The following TXLNB variants were observed in gnomAD, a reference collection of about 807,000 sequenced individuals.
TXLNB encodes taxilin beta.
A neutral mutation model predicts 57.4 loss-of-function variants in TXLNB; 37 were observed. That is an observed-to-expected ratio of 0.64 (90% CI 0.50 to 0.85). The LOEUF (loss-of-function observed/expected upper bound fraction) is 0.85. Among genes scored for constraint, TXLNB ranks in the 40% least tolerant of loss-of-function variants. The probability of loss-of-function intolerance (pLI) is 0.00; values close to 1 mark genes in which losing one functional copy is unlikely to be tolerated. For synonymous variants in TXLNB, 302 were observed against 309.6 expected (o/e 0.98, Z 0.26); for missense variants, 848 against 825.6 (o/e 1.03, Z -0.33).
the TXLNB span, among the ~76,000 whole-genome samples, chr6:139,317,156 A>C: frequency 1.3e-5 from 2 of 152,184 alleles, no homozygotes; most frequent in Non-Finnish European, 2.9e-5. Flanking sequence ...GACATTTCCA[A>C]GGACCTCTTA....
chr6:139,264,599 G>A (rs1024539063), intron 4 of TXLNB, among the ~76,000 whole-genome samples: 2 of 151,872 alleles, frequency 1.3e-5, no homozygotes, highest in African/African-American at 4.8e-5. Context: ...TCACTCTGTC[G>A]CCCAGGCTGG....
At chr6:139,296,724 C>G (rs997150845), upstream of TXLNB, among the ~76,000 whole-genome samples, 8 of 151,994 alleles carry the variant, frequency 5.3e-5, no homozygotes, top group Admixed American at 4.6e-4. Flanking sequence ...CATTTAGGAC[C>G]CTTTGTTCTA....
chr6:139,196,364 GGTT>G, the TXLNB span, among the ~76,000 whole-genome samples: 41,954 of 86,024 alleles, frequency 0.49, 13,788 homozygotes, highest in African/African-American at 0.55. Context: ...CTCCAGATCT[GGTT>G]TTTTTTTTTT....
At chr6:139,301,408 T>C in the TXLNB span, among the ~76,000 whole-genome samples, 108,206 of 152,068 alleles carry the variant, frequency 0.71, 38,841 homozygotes, top group East Asian at 0.85. Context: ...CTGCTACTGG[T>C]GACATGAGTG....
chr6:139,235,614 T>C (rs966327428), downstream of TXLNB, among the ~76,000 whole-genome samples: 2 of 152,122 alleles, frequency 1.3e-5, no homozygotes, highest in South Asian at 2.1e-4. Flanking sequence ...GTTTCCCCCA[T>C]GCTGTTCTTA....
the TXLNB span, among the ~76,000 whole-genome samples, chr6:139,188,110 C>A: frequency 1.3e-5 from 2 of 152,084 alleles, no homozygotes; most frequent in African/African-American, 4.8e-5. Flanking sequence ...TTCCCAGGGG[C>A]CTTCTTACTA....
chr6:139,213,775 A>G, the TXLNB span, among the ~76,000 whole-genome samples: 1 of 152,224 alleles, frequency 6.6e-6, no homozygotes, highest in Non-Finnish European at 1.5e-5. Context: ...AATAAACGCA[A>G]TAAAAAATGA....
chr6:139,218,968 T>C, the TXLNB span, among the ~76,000 whole-genome samples: 2 of 152,144 alleles, frequency 1.3e-5, no homozygotes, highest in African/African-American at 4.8e-5. Context: ...ATTTTGTCAA[T>C]TGTGGAATAC....
the TXLNB span, among the ~76,000 whole-genome samples, chr6:139,321,522 T>A: frequency 6.6e-6 from 1 of 150,854 alleles, no homozygotes; most frequent in African/African-American, 2.4e-5. Flanking sequence ...GCAGCCCACA[T>A]GGGCTATGAC....
At chr6:139,212,929 C>G in the TXLNB span, among the ~76,000 whole-genome samples, 1 of 152,198 alleles carries the variant, frequency 6.6e-6, no homozygotes, top group East Asian at 1.9e-4. Flanking sequence ...GAAGAACTAA[C>G]TATCCTAAAT....
At chr6:139,295,978 A>T (rs899759124), upstream of TXLNB, among the ~76,000 whole-genome samples, 3 of 152,118 alleles carry the variant, frequency 2.0e-5, no homozygotes, top group South Asian at 4.1e-4. Context: ...TAATTTATGT[A>T]TTCTAGTACT....
chr6:139,262,252 A>G (rs1257062797), intron 5 of TXLNB, among the ~76,000 whole-genome samples: 1 of 152,138 alleles, frequency 6.6e-6, no homozygotes, highest in Non-Finnish European at 1.5e-5. Flanking sequence ...CTTAAGAGGG[A>G]GTGCGTGAGT....
At chr6:139,244,750 T>C in intron 8 of TXLNB, 60 bp from the exon 9 acceptor site, 1 of 1,181,820 alleles carries the variant, frequency 8.5e-7, no homozygotes, top group Non-Finnish European at 1.3e-6. Context: ...AAGGAAGCTA[T>C]TAGCTCCATA....
the TXLNB span, among the ~76,000 whole-genome samples, chr6:139,216,448 G>A: frequency 7.3e-6 from 1 of 136,152 alleles, no homozygotes; most frequent in South Asian, 2.5e-4. Flanking sequence ...ACACAGGAAG[G>A]GGAACATCAC....
At chr6:139,170,312 TCTTG>T in the TXLNB span, 2 of 152,246 alleles carry the variant, frequency 1.3e-5, no homozygotes, top group Non-Finnish European at 2.9e-5. Flanking sequence ...TACTATCAGT[TCTTG>T]CTTGTCATCA....
the TXLNB span, chr6:139,177,101 A>T: frequency 2.4e-6 from 2 of 849,106 alleles, no homozygotes; most frequent in Non-Finnish European, 4.1e-6. This position sits in a 1 kb window ranked among gnomAD's most constrained non-coding sequence, Gnocchi z 4.9. Context: ...CTCGAAGCTT[A>T]TTGATGAAAG....
chr6:139,280,200 C>T (rs1449214585), intron 2 of TXLNB, among the ~76,000 whole-genome samples: 5 of 146,342 alleles, frequency 3.4e-5, no homozygotes, highest in Admixed American at 1.4e-4. Flanking sequence ...TGCAGTGAGC[C>T]GAGACTGTAC....
intron 7 of TXLNB, among the ~76,000 whole-genome samples, chr6:139,248,498 A>G (rs1177004398): frequency 1.4e-5 from 2 of 144,750 alleles, no homozygotes; most frequent in Admixed American, 6.9e-5. Flanking sequence ...CTCTGTCTCC[A>G]AAAAAAAAAA....
the TXLNB span, among the ~76,000 whole-genome samples, chr6:139,221,842 G>A: frequency 6.6e-6 from 1 of 152,130 alleles, no homozygotes; most frequent in Non-Finnish European, 1.5e-5. Flanking sequence ...ATTAGATGGC[G>A]TTAAAATGTT....
Sources: gnomAD v4.1 joint callset for allele counts (sites outside exome capture counted in the v4.1 genomes callset) on GRCh38, gnomAD v4.1.1 for gene constraint, Gnocchi (gnomAD v3.1) non-coding constraint, MANE v1.5 for transcripts, NCBI Gene and HGNC (gene_info 2026-07-23, HGNC 2026-07-21) for gene names.